Variants in SLIT1 observed in about 807,000 individuals in gnomAD.
The protein encoded by SLIT1 is slit guidance ligand 1, also known as slit homolog 1 protein.
A neutral mutation model predicts 186.1 loss-of-function variants in SLIT1; 66 were observed. That is an observed-to-expected ratio of 0.35 (90% CI 0.29 to 0.44). The LOEUF (loss-of-function observed/expected upper bound fraction) is 0.44. SLIT1 is among the 20% of genes least tolerant of loss of function. SLIT1 has a pLI of 1.00. For missense variants in SLIT1, 1,638 were observed against 2,037.4 expected, an observed-to-expected ratio of 0.80 and a Z score of 3.77; for synonymous variants, 761 against 833.8, an observed-to-expected ratio of 0.91 and a Z score of 1.50.
intron 24 of SLIT1, 98 bp from the exon 25 acceptor site, chr10:97,030,926 G>A (rs768448343): frequency 6.4e-5 from 65 of 1,021,248 alleles, no homozygotes; most frequent in Admixed American, 9.6e-5. Context: ...GGGACAGGCC[G>A]TGCCTTCCCT....
At chr10:97,142,266 A>G (rs1478982477) in intron 4 of SLIT1, among the ~76,000 whole-genome samples, 1 of 152,222 alleles carries the variant, frequency 6.6e-6, no homozygotes, top group Non-Finnish European at 1.5e-5. Context: ...AGAATGTGGT[A>G]CTGGCATAAA....
chr10:97,185,837 G>C lies in SLIT1; in HGVS notation c.-163C>G. 3.5e-6 allele frequency: 2 copies of C among 577,260 alleles called. No homozygotes were observed. Among genetic ancestry groups the C allele is most frequent in the Non-Finnish European group, 5.6e-6 (2 of 358,210 alleles). 35.8% of individuals were successfully genotyped at this position (577,260 alleles called of 1,614,324 possible). ...TGGGAGGCACCTTGCTCCTCCAAGC[G>C]ACGGCGCCTGTGCGCGGACGGAGGG... On this transcript the variant is annotated 5_prime_UTR_variant, in exon 1 of 37. Transcript: ENST00000266058.
In SLIT1 at chr10:97,056,412, G is replaced by C; in HGVS notation, c.1210C>G (p.Leu404Val). 6.2e-7 allele frequency: 1 copy of C among 1,614,226 alleles called. No homozygotes were observed. The change falls in exon 13 of 37, where the codon CTG becomes GTG. Residue 404 changes from leucine (L) to valine (V), a missense_variant. Around this residue, in one of 3 missense-constraint regions of SLIT1, gnomAD observed 1,245 missense variants for 1,535.3 expected, o/e 0.81. Coordinates refer to ENST00000266058, the MANE Select transcript of SLIT1 (RefSeq NM_003061.3). The part of the protein sequence containing the change: ...NCIRPDAFQD[L>V]QNLSLLSLYD... Reference sequence around the variant, plus strand: ...AGGGAGAGCAGTGAGAGGTTCTGCAGGTCCTGGAAGGCATCGGGCCGGATG... The same window carrying C: ...AGGGAGAGCAGTGAGAGGTTCTGCACGTCCTGGAAGGCATCGGGCCGGATG...
At position 97,063,550 on chromosome 10, in the gene SLIT1, C is replaced by G; in HGVS notation, c.698G>C (p.Arg233Pro). Reference protein sequence around the residue: ...LAWLSQWLRQRPTIGLFTQCS... With the variant: ...LAWLSQWLRQPPTIGLFTQCS... ...CTGGGTGAAGAGCCCGATGGTTGGC[C>G]GCTGCCTCAGCCACTGCGAGAGCCA... The change falls in exon 8 of 37, where the codon CGG (arginine) becomes CCG (proline). Residue 233 changes from arginine (R) to proline (P), a missense_variant. Coordinates refer to ENST00000266058, the MANE Select transcript of SLIT1 (RefSeq NM_003061.3). 2 of 1,613,128 alleles carry G rather than the reference C, an allele frequency of 1.2e-6. No individual in the cohort carries two copies. The highest frequency in any genetic ancestry group is 1.7e-6 in the Non-Finnish European group (2 of 1,179,866).
rs534520289 is a variant in SLIT1, at chr10:97,006,243, G to A, written c.3579+240C>T. 6.6e-6 allele frequency among the ~76,000 whole-genome samples: 1 copy of A among 152,178 alleles called. No homozygotes were observed. Among genetic ancestry groups the A allele is most frequent in the Non-Finnish European group, 1.5e-5 (1 of 68,044 alleles). Reference sequence around the variant, plus strand: ...GGATGATGGCAAGCCTGGTTTTCTGGATTCAGTTACCCATGAGACCATGTC... The same window carrying A: ...GGATGATGGCAAGCCTGGTTTTCTGAATTCAGTTACCCATGAGACCATGTC... On this transcript the variant is annotated intron_variant, in intron 32 of 36. Transcript: ENST00000266058. The surrounding 1 kb of genome is among the most constrained non-coding windows in gnomAD (Gnocchi z 4.0).
intron 28 of SLIT1, 50 bp from the exon 29 acceptor site, chr10:97,014,208 G>A (rs976144742): frequency 1.9e-6 from 3 of 1,598,924 alleles, no homozygotes; most frequent in African/African-American, 1.3e-5. Flanking sequence ...GAACACTGGT[G>A]GAAGCCTGTG....
chr10:97,060,021 G>A (rs1228505222), intron 10 of SLIT1, 66 bp downstream of exon 10: 2 of 1,393,462 alleles, frequency 1.4e-6, no homozygotes, highest in Admixed American at 1.7e-5. Flanking sequence ...CCCCAGGGCT[G>A]TGGGACCACC....
At chr10:97,054,436 G>A (rs761420995) in intron 13 of SLIT1, among the ~76,000 whole-genome samples, 36 of 151,996 alleles carry the variant, frequency 2.4e-4, no homozygotes, top group South Asian at 4.2e-4. Context: ...AGATTACCTA[G>A]TCTCTGGTAT....
At chr10:97,002,075 C>T (rs1331621546) in intron 36 of SLIT1, 83 bp downstream of exon 36, 3 of 923,166 alleles carry the variant, frequency 3.2e-6, no homozygotes, top group Non-Finnish European at 4.7e-6. Flanking sequence ...AGAAGGGCTG[C>T]CGAGACTGGG....
At chr10:97,137,866 T>C (rs1316800449) in intron 4 of SLIT1, among the ~76,000 whole-genome samples, 4 of 152,248 alleles carry the variant, frequency 2.6e-5, no homozygotes, top group African/African-American at 7.2e-5. Flanking sequence ...TCTCATTTAA[T>C]CTGTGCTCAA....
chr10:97,138,650 T>G (rs35239546), intron 4 of SLIT1, among the ~76,000 whole-genome samples: 38 of 32,056 alleles, frequency 1.2e-3, no homozygotes, highest in African/African-American at 1.9e-3. Context: ...TAGGAAACTG[T>G]TTTTTTTTTT....
intron 21 of SLIT1, among the ~76,000 whole-genome samples, chr10:97,039,272 G>T (rs907244382): frequency 6.6e-6 from 1 of 152,196 alleles, no homozygotes; most frequent in Non-Finnish European, 1.5e-5. Context: ...GGAGGTGTCT[G>T]CTGAAGAAGT....
chr10:97,167,817 T>G (rs1850139916), intron 1 of SLIT1, among the ~76,000 whole-genome samples: 1 of 152,220 alleles, frequency 6.6e-6, no homozygotes, highest in South Asian at 2.1e-4. Context: ...TGAGATCTGA[T>G]GGTTTTAAAA....
intron 29 of SLIT1, 50 bp downstream of exon 29, chr10:97,013,969 C>G: frequency 1.2e-6 from 2 of 1,600,500 alleles, no homozygotes; most frequent in Non-Finnish European, 1.7e-6. Context: ...GGGCTCAGGG[C>G]TGTCTCTGTT....
chr10:97,064,051 G>A, intron 7 of SLIT1, 117 bp downstream of exon 7: 2 of 848,164 alleles, frequency 2.4e-6, no homozygotes, highest in South Asian at 1.5e-5. Context: ...GCCTCTGGGG[G>A]TCTGAGGGAG....
At chr10:97,130,861 C>T (rs924726111) in intron 4 of SLIT1, among the ~76,000 whole-genome samples, 4 of 152,226 alleles carry the variant, frequency 2.6e-5, no homozygotes, top group African/African-American at 9.6e-5. Flanking sequence ...CCATTCGGTC[C>T]ATGGTCTGAA....
chr10:97,034,562 C>A lies in SLIT1; in HGVS notation c.2367-20G>T, dbSNP rs563796962. 14 of 1,607,608 alleles carry A rather than the reference C, an allele frequency of 8.7e-6. No homozygotes were observed. In the East Asian group the frequency reaches 2.9e-4, roughly 33 times the overall value. ...AGGTCCCTGGAAAAGGCAAAGGCATCATGATTTAGAAAGAACTCACTCAGC... is the reference window on the plus strand; with the variant it reads ...AGGTCCCTGGAAAAGGCAAAGGCATAATGATTTAGAAAGAACTCACTCAGC... On this transcript the variant is annotated intron_variant, in intron 22 of 36. Transcript: ENST00000266058.
At chr10:97,025,917 A>G (rs920122076) in intron 25 of SLIT1, among the ~76,000 whole-genome samples, 14 of 152,220 alleles carry the variant, frequency 9.2e-5, no homozygotes, top group African/African-American at 3.4e-4. Flanking sequence ...TTGAGGGCAG[A>G]AACCACTAAA....
chr10:97,047,139 T>G (rs111765707), intron 16 of SLIT1, 74 bp from the exon 17 acceptor site: 3 of 1,008,982 alleles, frequency 3.0e-6, no homozygotes, highest in Non-Finnish European at 4.6e-6. Context: ...CTGAGAATAT[T>G]TGGGACTCAA....
Sources: gnomAD v4.1 joint callset for allele counts (sites outside exome capture counted in the v4.1 genomes callset) on GRCh38, gnomAD v4.1.1 for gene constraint, gnomAD v4.1.1 regional missense constraint, Gnocchi (gnomAD v3.1) non-coding constraint, MANE v1.5 for transcripts, NCBI Gene and HGNC (gene_info 2026-07-23, HGNC 2026-07-21) for gene names.